ASAH2: variants seen among roughly 807,000 people sequenced by gnomAD.
The protein encoded by ASAH2 is neutral ceramidase.
Under a neutral mutation model 82.9 loss-of-function variants are expected in ASAH2, and 58 were observed. The ratio of observed to expected loss-of-function variants is 0.70; its 90% CI spans 0.57 to 0.87. The LOEUF is 0.87. Ranked by LOEUF, ASAH2 falls within the 40% of genes least tolerant of loss-of-function variation. ASAH2 has a pLI of 0.00. For missense variants in ASAH2, 779 were observed against 834.0 expected (o/e 0.93, Z 0.81); for synonymous variants, 276 against 289.7 (o/e 0.95, Z 0.48).
chr10:50,197,564 C>A (rs1288982910), intron 17 of ASAH2, among the ~76,000 whole-genome samples: 1 of 151,904 alleles, frequency 6.6e-6, no homozygotes, highest in African/African-American at 2.4e-5. Flanking sequence ...GAATATTTAA[C>A]GCTCTTTATT....
chr10:50,208,464 G>T (rs1845366076), intron 12 of ASAH2, among the ~76,000 whole-genome samples: 1 of 151,924 alleles, frequency 6.6e-6, no homozygotes, highest in African/African-American at 2.4e-5. Context: ...CAAGGTTGTA[G>T]GATATAAGGT....
At chr10:50,208,633 T>C (rs1223010970) in intron 12 of ASAH2, among the ~76,000 whole-genome samples, 1 of 152,092 alleles carries the variant, frequency 6.6e-6, no homozygotes, top group Non-Finnish European at 1.5e-5. Context: ...GTCTTAAAAT[T>C]ACAAAACATT....
chr10:50,227,173 G>A (rs1476763520), intron 7 of ASAH2, among the ~76,000 whole-genome samples: 2 of 152,066 alleles, frequency 1.3e-5, no homozygotes, highest in East Asian at 1.9e-4. Flanking sequence ...ATATTCATAA[G>A]AGACACCCTT....
chr10:50,236,756 GAATT>G (rs1846171124), intron 4 of ASAH2, among the ~76,000 whole-genome samples: 1 of 152,094 alleles, frequency 6.6e-6, no homozygotes, highest in Non-Finnish European at 1.5e-5. Flanking sequence ...TGAGAACATT[GAATT>G]ATACAAAAGT....
In ASAH2 at chr10:50,212,993, C is replaced by G; in HGVS notation, c.1206G>C (p.Arg402=). 1.2e-6 allele frequency: 2 copies of G among 1,613,664 alleles called. No individual in the cohort carries two copies. The highest frequency in any genetic ancestry group is 1.7e-6 in the Non-Finnish European group (2 of 1,179,670). Reference sequence around the variant, plus strand: ...TTACCTTTGCTCTCTGATACATGGCCCGTCCTATAATTTGTGTGCTGTCAA... The same window carrying G: ...TTACCTTTGCTCTCTGATACATGGCGCGTCCTATAATTTGTGTGCTGTCAA... ...DMFDSTQIIG[R]AMYQRAKELY... is the part of the protein sequence containing the mutation. Residue 402 remains arginine (R), a synonymous_variant, in exon 10 of 21, where the codon CGG becomes CGC. Transcript: ENST00000682911.
intron 16 of ASAH2, among the ~76,000 whole-genome samples, chr10:50,201,767 A>G (rs897928363): frequency 6.6e-6 from 1 of 152,118 alleles, no homozygotes; most frequent in Non-Finnish European, 1.5e-5. Flanking sequence ...TATTTACCAT[A>G]CTATAATAAA....
At chr10:50,205,895 G>A in intron 13 of ASAH2, 87 bp downstream of exon 13, 4 of 1,070,508 alleles carry the variant, frequency 3.7e-6, no homozygotes, top group Admixed American at 1.7e-5. Context: ...TCCCATCTCA[G>A]TAGATATCTA....
At chr10:50,209,487 C>T (rs1589329887) in intron 12 of ASAH2, among the ~76,000 whole-genome samples, 1 of 151,414 alleles carries the variant, frequency 6.6e-6, no homozygotes, top group African/African-American at 2.4e-5. Flanking sequence ...GTAGCTGGGA[C>T]TACAGGCGTG....
At chr10:50,241,090 C>G (rs1846280706) in intron 4 of ASAH2, among the ~76,000 whole-genome samples, 1 of 152,198 alleles carries the variant, frequency 6.6e-6, no homozygotes, top group Non-Finnish European at 1.5e-5. Flanking sequence ...GAGTGAGGAA[C>G]TGAGGCCTTT....
At chr10:50,240,641 C>A in intron 4 of ASAH2, 1 of 701,262 alleles carries the variant, frequency 1.4e-6, no homozygotes, top group South Asian at 1.5e-5. Flanking sequence ...TACATGCCTC[C>A]ATATGTCCTA....
chr10:50,211,265 C>T lies in ASAH2; in HGVS notation c.1228-131G>A, dbSNP rs1845447660. 9.3e-6 allele frequency: 7 copies of T among 756,718 alleles called. No homozygotes were observed. The South Asian group carries it at 1.0e-4, about 11-fold the overall frequency. The allele number at this position is 756,718 out of a possible 1,614,324, so 46.9% of individuals were successfully genotyped here. ...AGCAAAGCTTTTGTTTTGCTGGTTG[C>T]TTAGAATTGGCCACCAACCACATGG... is the stretch of plus-strand genomic sequence containing the variant. On this transcript the variant is annotated intron_variant, in intron 10 of 20. Transcript: ENST00000682911.
intron 4 of ASAH2, 100 bp from the exon 5 acceptor site, chr10:50,236,164 C>T (rs1241239036): frequency 9.9e-7 from 1 of 1,010,432 alleles, no homozygotes. Context: ...ATACCAATAA[C>T]ATCTGTATTA....
chr10:50,222,518 G>A (rs1845776190), intron 7 of ASAH2, among the ~76,000 whole-genome samples: 1 of 152,196 alleles, frequency 6.6e-6, no homozygotes, highest in East Asian at 1.9e-4. Flanking sequence ...GAGCTCAAGC[G>A]ATCCTCCTGC....
intron 12 of ASAH2, among the ~76,000 whole-genome samples, chr10:50,206,650 T>C (rs897082173): frequency 2.6e-5 from 4 of 151,440 alleles, no homozygotes; most frequent in Non-Finnish European, 5.9e-5. Context: ...ATAAAACTTA[T>C]GAATTAAGAA....
At chr10:50,195,900 G>A (rs1795465324) in intron 18 of ASAH2, among the ~76,000 whole-genome samples, 1 of 151,802 alleles carries the variant, frequency 6.6e-6, no homozygotes, top group South Asian at 2.1e-4. Flanking sequence ...CCAGGGGCTA[G>A]GAGGTTAGGG....
intron 2 of ASAH2, among the ~76,000 whole-genome samples, chr10:50,246,879 A>T (rs892170404): frequency 6.6e-6 from 1 of 152,198 alleles, no homozygotes; most frequent in African/African-American, 2.4e-5. Context: ...AACCTAACAC[A>T]TAGCCAAGGG....
intron 3 of ASAH2, among the ~76,000 whole-genome samples, chr10:50,244,134 C>G (rs567687444): frequency 6.6e-6 from 1 of 152,262 alleles, no homozygotes; most frequent in Non-Finnish European, 1.5e-5. Flanking sequence ...CACGCTGGAG[C>G]GGGACATATG....
Position 50,213,016 on chromosome 10 carries a change from C to T in ASAH2, c.1183G>A (p.Asp395Asn). 1.9e-6 allele frequency: 3 copies of T among 1,613,800 alleles called. No homozygotes were observed. Among genetic ancestry groups the T allele is most frequent in the Non-Finnish European group, 2.5e-6 (3 of 1,179,740 alleles). The change falls in exon 10 of 21, where the codon GAC becomes AAC. Residue 395 changes from aspartate (D) to asparagine (N), a missense_variant. By Grantham distance (23) the Asp-to-Asn change is conservative. Coordinates refer to ENST00000682911, the MANE Select transcript of ASAH2 (RefSeq NM_019893.4). The part of the protein sequence containing the change: ...IAKGPGQDMF[D>N]STQIIGRAMY... ...GCCCGTCCTATAATTTGTGTGCTGT[C>T]AAACATATCCTGTCCAGGTCCCTTA...
intron 5 of ASAH2, among the ~76,000 whole-genome samples, chr10:50,235,301 A>G (rs1171927017): frequency 1.3e-5 from 2 of 152,098 alleles, no homozygotes; most frequent in African/African-American, 4.8e-5. Flanking sequence ...AATACAATAA[A>G]ATGAAGCAAA....
Sources: allele counts gnomAD v4.1 joint callset (sites outside exome capture counted in the v4.1 genomes callset), GRCh38; gene constraint gnomAD v4.1.1; transcripts MANE v1.5; gene names NCBI Gene and HGNC (gene_info 2026-07-23, HGNC 2026-07-21).